The following HOMER2 variants were observed in gnomAD, a reference collection of about 807,000 sequenced individuals.
The protein encoded by HOMER2 is homer protein homolog 2.
A neutral mutation model predicts 47.0 loss-of-function variants in HOMER2; 27 were observed. The ratio of observed to expected loss-of-function variants is 0.57; its 90% confidence interval spans 0.42 to 0.79. The LOEUF (loss-of-function observed/expected upper bound fraction) is 0.79. Among genes scored for constraint, HOMER2 ranks in the 30% least tolerant of loss-of-function variants. The pLI is 0.00. For missense variants in HOMER2, 443 were observed against 435.0 expected, an observed-to-expected ratio of 1.02 and a Z score of -0.16; for synonymous variants, 161 against 163.8, an observed-to-expected ratio of 0.98 and a Z score of 0.13.
intron 2 of HOMER2, among the ~76,000 whole-genome samples, chr15:82,889,826 A>C (rs999207495): frequency 2.0e-5 from 3 of 152,198 alleles, no homozygotes; most frequent in African/African-American, 7.2e-5. Flanking sequence ...AGGGCCCAGC[A>C]GGGCTGAATG....
chr15:82,878,331 C>T lies in HOMER2; in HGVS notation c.163-2927G>A, dbSNP rs188571952. On this transcript the variant is annotated intron_variant, in intron 2 of 8. Transcript: ENST00000450735. ...AGTTTCTAGGGCACTTTTTCACAGT[C>T]TTTAACCCCCATTTTTTTCAGATGG... is the stretch of plus-strand genomic sequence containing the variant. Among the ~76,000 whole-genome samples, 31 of 152,284 alleles carry T rather than the reference C, an allele frequency of 2.0e-4. 1 individual carries two copies. In the East Asian group the frequency reaches 3.5e-3, roughly 17 times the overall value.
intron 4 of HOMER2, among the ~76,000 whole-genome samples, chr15:82,860,803 G>T (rs1461508705): frequency 6.6e-6 from 1 of 151,968 alleles, no homozygotes; most frequent in Non-Finnish European, 1.5e-5. Context: ...CAGACATGGT[G>T]GCAGGCGCCT....
At chr15:82,980,530 T>G (rs2030357545) in intron 1 of HOMER2, among the ~76,000 whole-genome samples, 1 of 152,202 alleles carries the variant, frequency 6.6e-6, no homozygotes, top group Admixed American at 6.5e-5. Context: ...CGTGGCGTGT[T>G]GTGCTTCCTA....
At chr15:82,918,390 G>A (rs1375365547) in intron 1 of HOMER2, among the ~76,000 whole-genome samples, 1 of 152,112 alleles carries the variant, frequency 6.6e-6, no homozygotes, top group East Asian at 1.9e-4. Context: ...GTGTGATCAT[G>A]TTGGGACAGT....
downstream of HOMER2, among the ~76,000 whole-genome samples, chr15:82,836,333 C>T (rs954727604): frequency 1.3e-5 from 2 of 152,358 alleles, no homozygotes; most frequent in East Asian, 1.9e-4. Context: ...CCTGGCTTTC[C>T]AGCCCACACA....
chr15:82,946,170 C>T (rs2054376069), intron 1 of HOMER2, among the ~76,000 whole-genome samples: 1 of 152,176 alleles, frequency 6.6e-6, no homozygotes, highest in African/African-American at 2.4e-5. Flanking sequence ...TGAGTCTATT[C>T]GACAAAAATA....
At chr15:82,929,082 G>A (rs2053936838) in intron 1 of HOMER2, among the ~76,000 whole-genome samples, 1 of 152,056 alleles carries the variant, frequency 6.6e-6, no homozygotes, top group Admixed American at 6.5e-5. Flanking sequence ...TGGGCTTTGG[G>A]GAGCTTACAA....
chr15:82,925,701 C>A (rs1199544778), intron 1 of HOMER2, among the ~76,000 whole-genome samples: 1 of 152,148 alleles, frequency 6.6e-6, no homozygotes, highest in Admixed American at 6.5e-5. Flanking sequence ...CTTCCCAGCC[C>A]CTCCATACCA....
chr15:82,857,553 C>T (rs1280256227), intron 5 of HOMER2, among the ~76,000 whole-genome samples: 1 of 151,080 alleles, frequency 6.6e-6, no homozygotes, highest in Non-Finnish European at 1.5e-5. Context: ...GCCTCAGCCT[C>T]CTGAGTAGCT....
At chr15:82,837,885 G>A (rs1410115496) in exon 2 of HOMER2, 1 of 152,272 alleles carries the variant, frequency 6.6e-6, no homozygotes, top group East Asian at 1.9e-4. Context: ...AAACATGAAT[G>A]AATGATTTAA....
intron 1 of HOMER2, among the ~76,000 whole-genome samples, chr15:82,935,429 G>T (rs1051059267): frequency 1.3e-4 from 20 of 152,022 alleles, no homozygotes; most frequent in African/African-American, 4.6e-4. Context: ...AAGGATGGGT[G>T]TTACACACTC....
intron 1 of HOMER2, among the ~76,000 whole-genome samples, chr15:82,923,039 T>C (rs979247770): frequency 2.0e-5 from 3 of 152,184 alleles, no homozygotes; most frequent in African/African-American, 4.8e-5. Context: ...TCTCCCTGGA[T>C]ACCAGCTCTC....
Position 82,981,908 on chromosome 15 carries a change from A to G in HOMER2, n.82+3879T>C, listed in dbSNP as rs1002870755. Among the ~76,000 whole-genome samples the G allele has an allele frequency of 7.9e-5, 12 of 151,286 alleles. No individual in the cohort carries two copies. The East Asian group carries it at 2.3e-3, about 29-fold the overall frequency. ...AATTTCAGTGTGAGAAGATGAAAAAATCTCGAGATGGATGGCGGTGATAGT... is the reference window on the plus strand; with the variant it reads ...AATTTCAGTGTGAGAAGATGAAAAAGTCTCGAGATGGATGGCGGTGATAGT... On this transcript the variant is annotated intron_variant and non_coding_transcript_variant, in intron 1 of 1. Transcript: ENST00000500334.
chr15:82,908,214 A>G (rs567366687), intron 1 of HOMER2, among the ~76,000 whole-genome samples: 6 of 152,188 alleles, frequency 3.9e-5, no homozygotes, highest in East Asian at 1.9e-4. Flanking sequence ...ATTACAGTAG[A>G]AAAAAAATCA....
At chr15:82,920,739 T>C (rs947114975) in intron 1 of HOMER2, among the ~76,000 whole-genome samples, 9 of 152,186 alleles carry the variant, frequency 5.9e-5, no homozygotes, top group African/African-American at 1.9e-4. Flanking sequence ...TAACTTATCA[T>C]ATCTGCAAAG....
intron 5 of HOMER2, among the ~76,000 whole-genome samples, chr15:82,855,426 T>TCCTTACTGG (rs1241370734): frequency 1.4e-5 from 2 of 147,914 alleles, no homozygotes; most frequent in Admixed American, 1.3e-4. Flanking sequence ...CATCCCATCC[T>TCCTTACTGG]CCTTACTGGC....
At chr15:82,867,743 T>C (rs1321855156) in intron 3 of HOMER2, among the ~76,000 whole-genome samples, 3 of 152,150 alleles carry the variant, frequency 2.0e-5, no homozygotes, top group African/African-American at 7.2e-5. Flanking sequence ...GAAAAAAACA[T>C]TCATACCTAC....
intron 1 of HOMER2, among the ~76,000 whole-genome samples, chr15:82,915,625 T>G (rs574035779): frequency 6.6e-6 from 1 of 152,178 alleles, no homozygotes; most frequent in Non-Finnish European, 1.5e-5. Context: ...CGTGGGAGGA[T>G]TGCCTGGGCC....
rs574072819 is a variant in HOMER2 at position 82,944,576 on chromosome 15, T to G, written c.5+7955A>C. On this transcript the variant is annotated intron_variant, in intron 1 of 8. Coordinates refer to ENST00000450735, the MANE Select transcript of HOMER2 (RefSeq NM_004839.4). Reference sequence around the variant, plus strand: ...CTTTTCTCTATTGTAAATATGCTATTTGACTGCTGTTCACGTTTGACAAAG... The same window carrying G: ...CTTTTCTCTATTGTAAATATGCTATGTGACTGCTGTTCACGTTTGACAAAG... 2.4e-4 allele frequency among the ~76,000 whole-genome samples: 37 copies of G among 152,346 alleles called. No individual in the cohort carries two copies. The South Asian group carries it at 7.2e-3, about 30-fold the overall frequency.
Sources: gnomAD v4.1 joint callset for allele counts (sites outside exome capture counted in the v4.1 genomes callset) on GRCh38, gnomAD v4.1.1 for gene constraint, MANE v1.5 for transcripts, NCBI Gene and HGNC (gene_info 2026-07-23, HGNC 2026-07-21) for gene names.